CEP162: variants seen among roughly 807,000 people sequenced by gnomAD.
The protein encoded by CEP162 is centrosomal protein of 162 kDa.
In CEP162, 141 loss-of-function variants were observed where a neutral mutation model predicts 169.2. The observed-to-expected ratio is 0.83, with a 90% CI of 0.73 to 0.96. The LOEUF is 0.96. Ranked by LOEUF, CEP162 falls within the 40% of genes least tolerant of loss-of-function variation. CEP162 has a pLI of 0.00. For synonymous variants in CEP162, 540 were observed against 526.4 expected, an observed-to-expected ratio of 1.03 and a Z score of -0.35; for missense variants, 1,600 against 1,587.2, an observed-to-expected ratio of 1.01 and a Z score of -0.14.
At chr6:84,177,222 G>C (rs151108373) in intron 13 of CEP162, among the ~76,000 whole-genome samples, 10 of 152,196 alleles carry the variant, frequency 6.6e-5, no homozygotes, top group Non-Finnish European at 1.2e-4. Flanking sequence ...TTCCCTAGTT[G>C]ATAGGCTAAC....
At chr6:84,130,307 C>T (rs762259602) in intron 25 of CEP162, among the ~76,000 whole-genome samples, 18 of 152,072 alleles carry the variant, frequency 1.2e-4, no homozygotes, top group Non-Finnish European at 2.2e-4. Flanking sequence ...GGGATACTGG[C>T]CTGAAATTTT....
chr6:84,200,086 T>TA (rs2099543862), intron 9 of CEP162, among the ~76,000 whole-genome samples: 1 of 151,932 alleles, frequency 6.6e-6, no homozygotes, highest in South Asian at 2.1e-4. Context: ...TTGTCTCTAC[T>TA]AAAAAAATAC....
At chr6:84,182,169 C>A (rs2099535153) in intron 13 of CEP162, among the ~76,000 whole-genome samples, 1 of 152,060 alleles carries the variant, frequency 6.6e-6, no homozygotes. Context: ...CATTCATTCA[C>A]ATTTCCTTCT....
chr6:84,220,432 G>A (rs1003741265), intron 3 of CEP162, among the ~76,000 whole-genome samples: 1 of 152,026 alleles, frequency 6.6e-6, no homozygotes, highest in African/African-American at 2.4e-5. Flanking sequence ...AGATCAGCCT[G>A]GCAACACAGT....
At chr6:84,205,654 T>C (rs1478515528) in intron 6 of CEP162, among the ~76,000 whole-genome samples, 1 of 152,094 alleles carries the variant, frequency 6.6e-6, no homozygotes. Flanking sequence ...CTTTGAAAAC[T>C]GGCACAAGAC....
intron 2 of CEP162, among the ~76,000 whole-genome samples, chr6:84,223,768 G>A (rs567090695): frequency 4.1e-4 from 63 of 152,020 alleles, no homozygotes; most frequent in Non-Finnish European, 7.2e-4. Flanking sequence ...TTAGCTGGGC[G>A]TGGTGGCAGG....
intron 2 of CEP162, among the ~76,000 whole-genome samples, chr6:84,223,463 C>A (rs2099554527): frequency 6.6e-6 from 1 of 151,464 alleles, no homozygotes; most frequent in Non-Finnish European, 1.5e-5. Context: ...TGCGTCACTG[C>A]ACTCCAGCCT....
chr6:84,139,933 G>GCTGGTGTGTTCACGGTTCTCACCAGA (rs149475632), intron 25 of CEP162, among the ~76,000 whole-genome samples: 31,730 of 151,144 alleles, frequency 0.21, 6,905 homozygotes, highest in African/African-American at 0.56. Context: ...ACCCTCTCAG[G>GCTGGTGTGTTCACGGTTCTCACCAGA]CTGGTGTGTT....
chr6:84,180,246 C>T (rs80166823), intron 13 of CEP162, among the ~76,000 whole-genome samples: 5,749 of 152,244 alleles, frequency 0.038, 167 homozygotes, highest in Admixed American at 0.092. Flanking sequence ...ACAAAAACCA[C>T]ATGATTATCT....
intron 8 of CEP162, among the ~76,000 whole-genome samples, chr6:84,201,135 A>G (rs956745883): frequency 6.6e-6 from 1 of 152,138 alleles, no homozygotes; most frequent in African/African-American, 2.4e-5. Flanking sequence ...AAAATTAGCC[A>G]GGCGTGGTGG....
chr6:84,134,202 C>A (rs1282793476), intron 25 of CEP162, among the ~76,000 whole-genome samples: 1 of 152,200 alleles, frequency 6.6e-6, no homozygotes, highest in Non-Finnish European at 1.5e-5. Context: ...GTGGATGCCA[C>A]TCCCCCCACC....
At chr6:84,136,857 C>G (rs968696610) in intron 25 of CEP162, among the ~76,000 whole-genome samples, 5 of 152,220 alleles carry the variant, frequency 3.3e-5, no homozygotes, top group African/African-American at 9.6e-5. Context: ...GGTTCAATCA[C>G]TTTTCTGTGT....
At chr6:84,150,101 G>A (rs937731374) in intron 23 of CEP162, among the ~76,000 whole-genome samples, 1 of 152,104 alleles carries the variant, frequency 6.6e-6, no homozygotes, top group Non-Finnish European at 1.5e-5. Context: ...CCAATGCCTT[G>A]TAGGCAGCAT....
Position 84,193,589 on chromosome 6 carries a change from A to T in CEP162, c.1109+20T>A. ...CTATAAAAGTTTCCAATGACAAAAC[A>T]ATAAATAAAAAATTCATACCTGACA... On this transcript the variant is annotated intron_variant, in intron 11 of 26. Coordinates refer to ENST00000403245, the MANE Select transcript of CEP162 (RefSeq NM_014895.4). The T allele has an allele frequency of 6.8e-7, 1 of 1,459,934 alleles. No individual in the cohort carries two copies. Among genetic ancestry groups the T allele is most frequent in the Non-Finnish European group, 9.3e-7 (1 of 1,070,908 alleles). The allele number at this position is 1,459,934 out of a possible 1,614,324, so 90.4% of individuals were successfully genotyped here.
chr6:84,143,308 T>C (rs940068313), intron 25 of CEP162, among the ~76,000 whole-genome samples: 9 of 152,022 alleles, frequency 5.9e-5, no homozygotes, highest in African/African-American at 1.9e-4. Context: ...CATGAAATGA[T>C]GTTAATCTAC....
chr6:84,208,308 G>T (rs1417507532), intron 6 of CEP162, among the ~76,000 whole-genome samples: 1 of 152,134 alleles, frequency 6.6e-6, no homozygotes, highest in Non-Finnish European at 1.5e-5. Flanking sequence ...CTTGCTCACA[G>T]TATTAATTTA....
intron 9 of CEP162, among the ~76,000 whole-genome samples, chr6:84,198,816 G>A (rs1259408524): frequency 1.3e-5 from 2 of 152,036 alleles, no homozygotes; most frequent in Non-Finnish European, 2.9e-5. Flanking sequence ...TTAAAGAAGA[G>A]AAAACATGCT....
intron 23 of CEP162, among the ~76,000 whole-genome samples, chr6:84,150,151 T>A (rs10943967): frequency 6.6e-6 from 1 of 152,068 alleles, no homozygotes; most frequent in African/African-American, 2.4e-5. Context: ...CCAGGGCTAG[T>A]TGCATATTGT....
chr6:84,196,360 T>C (rs1284289837), intron 9 of CEP162, among the ~76,000 whole-genome samples: 1 of 152,222 alleles, frequency 6.6e-6, no homozygotes, highest in African/African-American at 2.4e-5. Flanking sequence ...CCCAGCCATG[T>C]GGAACTGTAA....
Sources: allele counts gnomAD v4.1 joint callset (sites outside exome capture counted in the v4.1 genomes callset), GRCh38; gene constraint gnomAD v4.1.1; transcripts MANE v1.5; gene names NCBI Gene and HGNC (gene_info 2026-07-23, HGNC 2026-07-21).